Variants in CADPS2 observed in about 807,000 individuals in gnomAD.
CADPS2 encodes the protein calcium-dependent secretion activator 2.
Under a neutral mutation model 172.5 loss-of-function variants are expected in CADPS2, and 93 were observed. That is an observed-to-expected ratio of 0.54 (90% CI 0.46 to 0.64). The LOEUF is 0.64. CADPS2 is among the 30% of genes least tolerant of loss of function. The pLI, the probability that CADPS2 is intolerant of heterozygous loss-of-function variation, is 0.00. For synonymous variants in CADPS2, 546 were observed against 555.2 expected, an observed-to-expected ratio of 0.98 and a Z score of 0.23; for missense variants, 1,420 against 1,565.9, an observed-to-expected ratio of 0.91 and a Z score of 1.57.
At chr7:122,573,269 T>C (rs1237537895) in intron 7 of CADPS2, among the ~76,000 whole-genome samples, 1 of 152,062 alleles carries the variant, frequency 6.6e-6, no homozygotes, top group African/African-American at 2.4e-5. Flanking sequence ...TGACCAGGCA[T>C]AGTGGCTCAT....
chr7:122,757,590 A>G (rs145610877), intron 1 of CADPS2, among the ~76,000 whole-genome samples: 1 of 152,238 alleles, frequency 6.6e-6, no homozygotes, highest in African/African-American at 2.4e-5. Flanking sequence ...AATTTTAGGC[A>G]GCCCTGACAC....
At chr7:122,368,863 C>T (rs1235305970) in intron 25 of CADPS2, among the ~76,000 whole-genome samples, 2 of 151,962 alleles carry the variant, frequency 1.3e-5, no homozygotes, top group Admixed American at 6.6e-5. Context: ...TGAGAAAAGG[C>T]TGTCAGTTTT....
rs564070769 is a variant in CADPS2, at chr7:122,719,474, A to G, written c.453+17481T>C. Among the ~76,000 whole-genome samples, 52 of 152,264 alleles carry G rather than the reference A, an allele frequency of 3.4e-4. No individual in the cohort carries two copies. The South Asian group carries it at 8.9e-3, about 26-fold the overall frequency. On this transcript the variant is annotated intron_variant, in intron 2 of 29. Coordinates refer to ENST00000449022, the MANE Select transcript of CADPS2 (RefSeq NM_017954.11). ...TGCACTGGCATGTGCAATGACGCCA[A>G]TTTGAAAAACAAAGGCATGCTGGGC... is the stretch of plus-strand genomic sequence containing the variant.
intron 1 of CADPS2, among the ~76,000 whole-genome samples, chr7:122,846,833 C>T (rs1812118559): frequency 6.6e-6 from 1 of 152,182 alleles, no homozygotes; most frequent in Non-Finnish European, 1.5e-5. Flanking sequence ...AGAAGTATGC[C>T]ATGCTGTGCA....
At chr7:122,344,173 T>C (rs900291206) in intron 28 of CADPS2, among the ~76,000 whole-genome samples, 4 of 152,232 alleles carry the variant, frequency 2.6e-5, no homozygotes, top group African/African-American at 4.8e-5. Context: ...AGTGTCACCA[T>C]GAAGCCCGTG....
intron 2 of CADPS2, among the ~76,000 whole-genome samples, chr7:122,707,419 T>C (rs977109660): frequency 6.6e-6 from 1 of 152,018 alleles, no homozygotes; most frequent in Non-Finnish European, 1.5e-5. Context: ...TTGATCTCTA[T>C]GGGTAAGAGT....
chr7:122,832,418 G>A (rs990625), intron 1 of CADPS2, among the ~76,000 whole-genome samples: 29,877 of 152,052 alleles, frequency 0.2, 3,052 homozygotes, highest in Middle Eastern at 0.3. Flanking sequence ...TATCAACTGT[G>A]CAAGAAAAAT....
At chr7:122,475,824 T>C (rs1486843490) in intron 12 of CADPS2, among the ~76,000 whole-genome samples, 3 of 152,220 alleles carry the variant, frequency 2.0e-5, no homozygotes, top group Admixed American at 1.3e-4. Flanking sequence ...TGGCAGCTTA[T>C]TGATGTGTAG....
chr7:122,788,832 G>A (rs961346197), intron 1 of CADPS2, among the ~76,000 whole-genome samples: 1 of 152,098 alleles, frequency 6.6e-6, no homozygotes, highest in Non-Finnish European at 1.5e-5. Flanking sequence ...CGTTCATTTG[G>A]GCCTAAGTGA....
intron 1 of CADPS2, among the ~76,000 whole-genome samples, chr7:122,882,953 TCA>T (rs1823333750): frequency 6.6e-6 from 1 of 152,136 alleles, no homozygotes; most frequent in Non-Finnish European, 1.5e-5. Flanking sequence ...AGGCACTCTG[TCA>T]CAGTGTGTAG....
chr7:122,381,417 C>A (rs1393450827), intron 24 of CADPS2, among the ~76,000 whole-genome samples: 1 of 152,146 alleles, frequency 6.6e-6, no homozygotes, highest in African/African-American at 2.4e-5. Flanking sequence ...CCCAGACTTC[C>A]AGGCAGGTTC....
intron 1 of CADPS2, among the ~76,000 whole-genome samples, chr7:122,757,869 A>C (rs1348261534): frequency 6.6e-6 from 1 of 152,054 alleles, no homozygotes; most frequent in Non-Finnish European, 1.5e-5. Flanking sequence ...GCCAGACTCA[A>C]TTAGTATGGA....
intron 7 of CADPS2, among the ~76,000 whole-genome samples, chr7:122,559,706 G>C (rs2065478149): frequency 6.6e-6 from 1 of 150,866 alleles, no homozygotes; most frequent in Non-Finnish European, 1.5e-5. Flanking sequence ...AGGAGGCAGA[G>C]GTTGCAGTGA....
At chr7:122,639,643 C>T (rs943292804) in intron 3 of CADPS2, among the ~76,000 whole-genome samples, 1 of 152,172 alleles carries the variant, frequency 6.6e-6, no homozygotes, top group Non-Finnish European at 1.5e-5. Flanking sequence ...CCCTTTTATA[C>T]CCACATCCAC....
chr7:122,777,268 A>G (rs1195204936), intron 1 of CADPS2, among the ~76,000 whole-genome samples: 1 of 152,238 alleles, frequency 6.6e-6, no homozygotes, highest in Non-Finnish European at 1.5e-5. Flanking sequence ...AAGGGATGGC[A>G]GCTCCATTGT....
chr7:122,492,871 A>G lies in CADPS2; in HGVS notation c.1543-1451T>C, dbSNP rs926042140. 1.1e-4 allele frequency among the ~76,000 whole-genome samples: 16 copies of G among 152,010 alleles called. No homozygotes were observed. In the South Asian group the frequency reaches 1.7e-3, roughly 16 times the overall value. On this transcript the variant is annotated intron_variant, in intron 9 of 29. Coordinates refer to ENST00000449022, the MANE Select transcript of CADPS2 (RefSeq NM_017954.11). Reference sequence around the variant, plus strand: ...TCTACCATGCCCAGCCAATTTTTAAAAAATATTTATAGAGAAAAGGTCTCT... The same window carrying G: ...TCTACCATGCCCAGCCAATTTTTAAGAAATATTTATAGAGAAAAGGTCTCT...
At chr7:122,595,754 CAGAAGT>C (rs2133333762) in intron 6 of CADPS2, among the ~76,000 whole-genome samples, 1 of 152,084 alleles carries the variant, frequency 6.6e-6, no homozygotes, top group East Asian at 1.9e-4. Flanking sequence ...TCCAACTACA[CAGAAGT>C]AGAATGGGAG....
chr7:122,336,259 A>G (rs575428246), intron 28 of CADPS2, among the ~76,000 whole-genome samples: 1 of 152,290 alleles, frequency 6.6e-6, no homozygotes, highest in Admixed American at 6.5e-5. Flanking sequence ...GAATGGTCTG[A>G]CCTTGCAGAA....
rs1161306358 is a variant in CADPS2, at chr7:122,731,838, A to G, written c.453+5117T>C. Among the ~76,000 whole-genome samples the G allele has an allele frequency of 2.0e-5, 3 of 151,670 alleles. No homozygotes were observed. The East Asian group carries it at 5.8e-4, about 29-fold the overall frequency. ...TCTTCCTATTCTGGTCCGTCCCTCTACCATCATGTCTGCCAACTTAGGTGG... is the reference window on the plus strand; with the variant it reads ...TCTTCCTATTCTGGTCCGTCCCTCTGCCATCATGTCTGCCAACTTAGGTGG... On this transcript the variant is annotated intron_variant, in intron 2 of 29. Coordinates refer to ENST00000449022, the MANE Select transcript of CADPS2 (RefSeq NM_017954.11).
Sources: allele counts gnomAD v4.1 joint callset (sites outside exome capture counted in the v4.1 genomes callset), GRCh38; gene constraint gnomAD v4.1.1; transcripts MANE v1.5; gene names NCBI Gene and HGNC (gene_info 2026-07-23, HGNC 2026-07-21).